Variants in HS3ST5 observed in about 807,000 individuals in gnomAD.
The protein encoded by HS3ST5 is heparan sulfate-glucosamine 3-sulfotransferase 5, also known as heparan sulfate glucosamine 3-O-sulfotransferase 5.
In HS3ST5, 10 loss-of-function variants were observed where a neutral mutation model predicts 25.4. The ratio of observed to expected loss-of-function variants is 0.39; its 90% confidence interval spans 0.24 to 0.67. The LOEUF (loss-of-function observed/expected upper bound fraction) is 0.67. HS3ST5 is among the 30% of genes least tolerant of loss of function. The pLI is 0.44. For synonymous variants in HS3ST5, 170 were observed against 162.4 expected, an observed-to-expected ratio of 1.05 and a Z score of -0.36; for missense variants, 324 against 420.7, an observed-to-expected ratio of 0.77 and a Z score of 2.01.
chr6:114,224,125 A>C (rs1364380208), intron 2 of HS3ST5, among the ~76,000 whole-genome samples: 1 of 151,640 alleles, frequency 6.6e-6, no homozygotes, highest in Non-Finnish European at 1.5e-5. Context: ...ATTTCTTTAG[A>C]TAGCATTTTC....
At chr6:114,292,019 A>C (rs1172136173) in intron 1 of HS3ST5, among the ~76,000 whole-genome samples, 1 of 152,232 alleles carries the variant, frequency 6.6e-6, no homozygotes, top group Admixed American at 6.5e-5. Context: ...GGTTTATAGC[A>C]AGATGAAAAT....
At chr6:114,156,303 C>T (rs766553091) in intron 3 of HS3ST5, among the ~76,000 whole-genome samples, 15 of 152,198 alleles carry the variant, frequency 9.9e-5, no homozygotes, top group Non-Finnish European at 1.9e-4. Context: ...CTGAGGTTCA[C>T]CATGAGGCAA....
At chr6:114,297,539 G>A (rs1001952601) in intron 1 of HS3ST5, among the ~76,000 whole-genome samples, 3 of 152,152 alleles carry the variant, frequency 2.0e-5, no homozygotes, top group Admixed American at 6.5e-5. Flanking sequence ...TGTAGAGTTA[G>A]TATATATTTT....
In HS3ST5 at chr6:114,144,972, C is replaced by T. The variant is rs141890262; in HGVS notation, c.-33+23379G>A. 4.9e-3 allele frequency among the ~76,000 whole-genome samples: 739 copies of T among 152,286 alleles called. 3 individuals carry two copies. Among genetic ancestry groups the T allele is most frequent in the Admixed American group, 7.7e-3 (117 of 15,284 alleles). On this transcript the variant is annotated intron_variant, in intron 3 of 4. Coordinates refer to ENST00000312719, the MANE Select transcript of HS3ST5 (RefSeq NM_153612.4). Reference sequence around the variant, plus strand: ...TGGCCGGGTAGTGACATACCTGTGTCTGCAGAGCCTGGGCCATTCAAACAT... The same window carrying T: ...TGGCCGGGTAGTGACATACCTGTGTTTGCAGAGCCTGGGCCATTCAAACAT...
intron 1 of HS3ST5, among the ~76,000 whole-genome samples, chr6:114,332,263 C>T (rs1262579631): frequency 6.6e-6 from 1 of 152,114 alleles, no homozygotes; most frequent in African/African-American, 2.4e-5. Context: ...GTGGAGTTTT[C>T]CCTGCTCCAC....
At chr6:114,076,128 T>A (rs1420066270) in intron 3 of HS3ST5, among the ~76,000 whole-genome samples, 1 of 152,240 alleles carries the variant, frequency 6.6e-6, no homozygotes, top group African/African-American at 2.4e-5. Context: ...TGAGGACATC[T>A]GCTCCTTCTG....
intron 4 of HS3ST5, among the ~76,000 whole-genome samples, chr6:114,062,003 C>A (rs1023793312): frequency 6.6e-6 from 1 of 152,106 alleles, no homozygotes; most frequent in South Asian, 2.1e-4. Context: ...CAGAAATTAA[C>A]TTCTCTGTCT....
intron 2 of HS3ST5, among the ~76,000 whole-genome samples, chr6:114,188,559 C>A (rs752237215): frequency 1.4e-4 from 21 of 152,034 alleles, no homozygotes; most frequent in Non-Finnish European, 2.6e-4. Flanking sequence ...ATTTTCAGCT[C>A]CCCAGAAGCA....
At chr6:114,186,719 C>A (rs1225707419) in intron 2 of HS3ST5, among the ~76,000 whole-genome samples, 1 of 152,150 alleles carries the variant, frequency 6.6e-6, no homozygotes, top group Non-Finnish European at 1.5e-5. Flanking sequence ...GACAAGACAA[C>A]CTTCTATTGG....
intron 1 of HS3ST5, among the ~76,000 whole-genome samples, chr6:114,234,265 A>G (rs967674369): frequency 1.5e-4 from 22 of 151,368 alleles, no homozygotes; most frequent in African/African-American, 5.1e-4. Flanking sequence ...AATACTTTCT[A>G]GTTTTCACAG....
chr6:114,183,706 G>C (rs1780071700), intron 2 of HS3ST5, among the ~76,000 whole-genome samples: 1 of 152,180 alleles, frequency 6.6e-6, no homozygotes, highest in Non-Finnish European at 1.5e-5. Context: ...CTAAGAAACT[G>C]AGATGATCAT....
intron 3 of HS3ST5, among the ~76,000 whole-genome samples, chr6:114,101,850 C>A (rs61454948): frequency 0.042 from 6,413 of 152,206 alleles, 427 homozygotes; most frequent in African/African-American, 0.14. Context: ...ACATGTACAC[C>A]ATGGAATGCT....
intron 2 of HS3ST5, among the ~76,000 whole-genome samples, chr6:114,214,722 C>T (rs568093482): frequency 4.8e-4 from 73 of 152,336 alleles, no homozygotes; most frequent in Non-Finnish European, 7.9e-4. Context: ...ATAGACAGCT[C>T]TCTTTTCAGA....
At chr6:114,101,225 C>T (rs1279703949) in intron 3 of HS3ST5, among the ~76,000 whole-genome samples, 2 of 151,880 alleles carry the variant, frequency 1.3e-5, no homozygotes, top group Admixed American at 6.6e-5. Context: ...GTTATTAAGC[C>T]GAATAAGCAG....
At chr6:114,070,184 A>T (rs1015304664) in intron 3 of HS3ST5, among the ~76,000 whole-genome samples, 8 of 152,100 alleles carry the variant, frequency 5.3e-5, no homozygotes, top group South Asian at 2.1e-4. Context: ...GGAGATTCTT[A>T]ATAAATATTC....
At chr6:114,182,267 C>T (rs978309096) in intron 2 of HS3ST5, among the ~76,000 whole-genome samples, 10 of 151,970 alleles carry the variant, frequency 6.6e-5, no homozygotes, top group East Asian at 1.9e-4. Flanking sequence ...TAGACAATAA[C>T]GGAATACTCA....
At chr6:114,072,229 G>A (rs1773863315) in intron 3 of HS3ST5, among the ~76,000 whole-genome samples, 1 of 151,908 alleles carries the variant, frequency 6.6e-6, no homozygotes, top group South Asian at 2.1e-4. Flanking sequence ...TTGGCAAAGT[G>A]GTGACAAAAA....
chr6:114,127,075 G>T (rs902518053), intron 3 of HS3ST5, among the ~76,000 whole-genome samples: 1 of 151,990 alleles, frequency 6.6e-6, no homozygotes, highest in East Asian at 1.9e-4. Flanking sequence ...TTTTAGTCCT[G>T]CGAGTTCTCC....
chr6:114,320,617 T>G (rs981816277), intron 1 of HS3ST5, among the ~76,000 whole-genome samples: 1 of 152,058 alleles, frequency 6.6e-6, no homozygotes, highest in African/African-American at 2.4e-5. Flanking sequence ...TATCGGGGTG[T>G]AGGGGCTTTC....
Sources: gnomAD v4.1 joint callset for allele counts (sites outside exome capture counted in the v4.1 genomes callset) on GRCh38, gnomAD v4.1.1 for gene constraint, MANE v1.5 for transcripts, NCBI Gene and HGNC (gene_info 2026-07-23, HGNC 2026-07-21) for gene names.